Variants in TRDMT1 observed in about 807,000 individuals in gnomAD.
TRDMT1 encodes tRNA (cytosine(38)-C(5))-methyltransferase.
In TRDMT1, 49 loss-of-function variants were observed where a neutral mutation model predicts 51.2. The observed-to-expected ratio is 0.96, with a 90% CI of 0.76 to 1.21. TRDMT1 has a LOEUF of 1.21. TRDMT1 is among the 50% of genes most tolerant of loss of function. The probability of loss-of-function intolerance (pLI) is 0.00; values close to 1 mark genes in which losing one functional copy is unlikely to be tolerated. For synonymous variants in TRDMT1, 187 were observed against 164.6 expected (o/e 1.14, Z -1.04); for missense variants, 534 against 462.3 (o/e 1.16, Z -1.42).
At chr10:17,179,030 T>C (rs1304528919) in intron 1 of TRDMT1, among the ~76,000 whole-genome samples, 7 of 151,772 alleles carry the variant, frequency 4.6e-5, no homozygotes, top group South Asian at 2.1e-4. Flanking sequence ...GAGAGAAATA[T>C]GGCAAATTAA....
intron 2 of TRDMT1, chr10:17,169,310 C>A (rs184569240): frequency 4.3e-6 from 5 of 1,176,008 alleles, no homozygotes; most frequent in Non-Finnish European, 5.3e-6. Context: ...AAATACCTAC[C>A]TGTCAATAAT....
rs1471415411 is a variant in TRDMT1, at chr10:17,140,290, A to G, written c.*8750T>C. ...AGGCTGGTCTTGAACTCCTGACCTC[A>G]TGGTCCGTTCACTTCGACCTCCCAA... On this transcript the variant is annotated 3_prime_UTR_variant, in exon 11 of 11. Transcript: ENST00000377799. Among the ~76,000 whole-genome samples, 1 of 148,648 alleles carries G rather than the reference A, an allele frequency of 6.7e-6. No homozygotes were observed. The highest frequency in any genetic ancestry group is 1.5e-5 in the Non-Finnish European group (1 of 67,538).
rs1564302038 is a variant in TRDMT1 at position 17,171,110 on chromosome 10, G to GGT, written c.175-2194_175-2193insAC. On this transcript the variant is annotated intron_variant, in intron 2 of 10. Transcript: ENST00000377799. ...ACCATTTGGTATGTTACTGGATTTA[G>GGT]ATGTGTGTGTGTGTGTGTGTGTGTG... Among the ~76,000 whole-genome samples, 28 of 82,868 alleles carry GGT rather than the reference G, an allele frequency of 3.4e-4. 1 individual carries two copies. The highest frequency in any genetic ancestry group is 5.0e-4 in the South Asian group (1 of 1,986). 54.4% of individuals were successfully genotyped at this position (82,868 alleles called of 152,430 possible).
At chr10:17,173,356 CAAT>C (rs1472606059) in intron 2 of TRDMT1, among the ~76,000 whole-genome samples, 7 of 151,510 alleles carry the variant, frequency 4.6e-5, no homozygotes, top group African/African-American at 1.7e-4. Context: ...TATCACTCAA[CAAT>C]AAAAAAGAGC....
At chr10:17,177,890 A>C (rs1277597296) in intron 1 of TRDMT1, among the ~76,000 whole-genome samples, 1 of 152,196 alleles carries the variant, frequency 6.6e-6, no homozygotes, top group Non-Finnish European at 1.5e-5. Flanking sequence ...ATAAATAAAA[A>C]AATTTAACTG....
intron 3 of TRDMT1, 44 bp from the exon 4 acceptor site, chr10:17,162,281 G>C: frequency 6.7e-7 from 1 of 1,500,236 alleles, no homozygotes; most frequent in Non-Finnish European, 9.0e-7. Flanking sequence ...AACACAGAAA[G>C]TTTATTAAGA....
At chr10:17,176,705 G>T (rs1237368479) in intron 1 of TRDMT1, among the ~76,000 whole-genome samples, 4 of 152,156 alleles carry the variant, frequency 2.6e-5, no homozygotes, top group African/African-American at 9.7e-5. Flanking sequence ...GGTGGTTATT[G>T]TTTCTAAGGA....
intron 1 of TRDMT1, among the ~76,000 whole-genome samples, chr10:17,184,468 C>T (rs1254261754): frequency 6.6e-6 from 1 of 151,302 alleles, no homozygotes; most frequent in Admixed American, 6.6e-5. Flanking sequence ...AATTAACTCA[C>T]AAAGATCCCT....
At chr10:17,156,230 A>T (rs1468893834) in intron 8 of TRDMT1, among the ~76,000 whole-genome samples, 2 of 151,906 alleles carry the variant, frequency 1.3e-5, no homozygotes, top group African/African-American at 2.4e-5. Flanking sequence ...GATCCTTGGC[A>T]AAATTTTTCT....
At chr10:17,149,245 A>C in intron 10 of TRDMT1, 105 bp from the exon 11 acceptor site, 1 of 811,024 alleles carries the variant, frequency 1.2e-6, no homozygotes, top group Non-Finnish European at 1.9e-6. Context: ...TCATAAGTAA[A>C]TCACTAAGGT....
At chr10:17,201,398 G>T in intron 1 of TRDMT1, 173 bp downstream of exon 1, 1 of 581,072 alleles carries the variant, frequency 1.7e-6, no homozygotes, top group Non-Finnish European at 2.9e-6. Context: ...GCGTCTGGAG[G>T]GGTGGACACG....
At chr10:17,184,685 C>G (rs1464290468) in intron 1 of TRDMT1, among the ~76,000 whole-genome samples, 1 of 152,070 alleles carries the variant, frequency 6.6e-6, no homozygotes, top group East Asian at 1.9e-4. Context: ...TTGCACTAGG[C>G]CAGAAAGTAT....
At position 17,162,247 on chromosome 10, in the gene TRDMT1, T is replaced by TTAAAAAAAAAAAA; in HGVS notation, c.252-11_252-10insTTTTTTTTTTTTA. 1 of 1,352,328 alleles carries TTAAAAAAAAAAAA rather than the reference T, an allele frequency of 7.4e-7. No homozygotes were observed. The highest frequency in any genetic ancestry group is 1.0e-6 in the Non-Finnish European group (1 of 1,004,718). The allele number at this position is 1,352,328 out of a possible 1,614,324, so 83.8% of individuals were successfully genotyped here. On this transcript the variant is annotated splice_polypyrimidine_tract_variant and intron_variant, in intron 3 of 10. Coordinates refer to ENST00000377799, the MANE Select transcript of TRDMT1 (RefSeq NM_004412.7). ...ACCCTGCCGGCCAATCCTAAAGGGG[T>TTAAAAAAAAAAAA]AAAAAAAAAAAAAAACAAAAAAAAA...
In TRDMT1 at chr10:17,189,227, A is replaced by G. The variant is rs1296260397; in HGVS notation, c.64+12344T>C. The stretch of plus-strand genomic sequence containing the variant: ...CAAACATGTCTATAAGAGTGTATGT[A>G]TATATATTTGTATTTTGTTTTTGTT... On this transcript the variant is annotated intron_variant, in intron 1 of 10. Transcript: ENST00000377799. 2.0e-5 allele frequency among the ~76,000 whole-genome samples: 3 copies of G among 152,334 alleles called. No homozygotes were observed. In the East Asian group the frequency reaches 5.8e-4, roughly 29 times the overall value.
intron 3 of TRDMT1, among the ~76,000 whole-genome samples, chr10:17,165,211 T>C (rs1401395020): frequency 6.6e-6 from 1 of 152,016 alleles, no homozygotes; most frequent in Non-Finnish European, 1.5e-5. Flanking sequence ...TCAGAAATAA[T>C]GCCACTTATC....
At chr10:17,188,805 C>T (rs1844293612) in intron 1 of TRDMT1, among the ~76,000 whole-genome samples, 1 of 152,160 alleles carries the variant, frequency 6.6e-6, no homozygotes, top group Middle Eastern at 3.2e-3. Flanking sequence ...ATGCCCACCA[C>T]AAATACCCAG....
intron 1 of TRDMT1, among the ~76,000 whole-genome samples, chr10:17,194,949 CAAA>C (rs1157484978): frequency 3.5e-5 from 3 of 85,286 alleles, no homozygotes; most frequent in Admixed American, 1.2e-4. Flanking sequence ...AAAAAAAAGT[CAAA>C]AAAAAAAAAA....
At position 17,145,785 on chromosome 10, in the gene TRDMT1, T is replaced by G. The variant is rs1838053138; in HGVS notation, c.*3255A>C. ...GCAACCAGAGTGACTTTGGTTTGGATGCAGATGCAGCTGGCCTGCAGAATG... is the reference window on the plus strand; with the variant it reads ...GCAACCAGAGTGACTTTGGTTTGGAGGCAGATGCAGCTGGCCTGCAGAATG... On this transcript the variant is annotated 3_prime_UTR_variant, in exon 11 of 11. Transcript: ENST00000377799. 5 of 985,378 alleles carry G rather than the reference T, an allele frequency of 5.1e-6. No individual in the cohort carries two copies. The highest frequency in any genetic ancestry group is 1.0e-3 in the Middle Eastern group (2 of 1,936). 61.0% of individuals were successfully genotyped at this position (985,378 alleles called of 1,614,324 possible).
rs891656591 is a variant in TRDMT1 at position 17,143,290 on chromosome 10, G to C, written c.*5750C>G. The C allele has an allele frequency of 1.0e-5, 10 of 984,280 alleles. No individual in the cohort carries two copies. Among genetic ancestry groups the C allele is most frequent in the African/African-American group, 7.0e-5 (4 of 57,176 alleles). 61.0% of individuals were successfully genotyped at this position (984,280 alleles called of 1,614,324 possible). On this transcript the variant is annotated 3_prime_UTR_variant, in exon 11 of 11. Transcript: ENST00000377799. The stretch of plus-strand genomic sequence containing the variant: ...TGCCAGTACTGTTTTAAGTCACTGG[G>C]GGGACAACGTATTAACAATCTCTGC...
Sources: allele counts gnomAD v4.1 joint callset (sites outside exome capture counted in the v4.1 genomes callset), GRCh38; gene constraint gnomAD v4.1.1; transcripts MANE v1.5; gene names NCBI Gene and HGNC (gene_info 2026-07-23, HGNC 2026-07-21).